Variants in DYNC2I1 observed in about 807,000 individuals in gnomAD.
DYNC2I1 encodes the protein dynein 2 intermediate chain 1, also known as cytoplasmic dynein 2 intermediate chain 1.
In DYNC2I1, 89 loss-of-function variants were observed where a neutral mutation model predicts 133.4. The ratio of observed to expected loss-of-function variants is 0.67; its 90% CI spans 0.56 to 0.80. DYNC2I1 has a LOEUF of 0.80. DYNC2I1 is among the 30% of genes least tolerant of loss of function. The probability of loss-of-function intolerance (pLI) is 0.00; values close to 1 mark genes in which losing one functional copy is unlikely to be tolerated. For missense variants in DYNC2I1, 1,291 were observed against 1,314.5 expected, an observed-to-expected ratio of 0.98 and a Z score of 0.28; for synonymous variants, 504 against 484.3, an observed-to-expected ratio of 1.04 and a Z score of -0.54.
At chr7:158,880,235 A>T (rs749016648) in intron 5 of DYNC2I1, among the ~76,000 whole-genome samples, 2 of 152,218 alleles carry the variant, frequency 1.3e-5, no homozygotes, top group African/African-American at 2.4e-5. Context: ...TTGGAAATCT[A>T]TCATAAAACT....
At chr7:158,860,160 G>A (rs561029594) in intron 1 of DYNC2I1, among the ~76,000 whole-genome samples, 1 of 151,556 alleles carries the variant, frequency 6.6e-6, no homozygotes, top group Non-Finnish European at 1.5e-5. Context: ...GGTTCAAGCA[G>A]TTCTCCTGCC....
intron 19 of DYNC2I1, 126 bp from the exon 20 acceptor site, chr7:158,926,866 C>T: frequency 4.3e-6 from 3 of 692,928 alleles, no homozygotes; most frequent in Non-Finnish European, 7.3e-6. Context: ...AGATCAGTCT[C>T]TTTTTCTGGA....
intron 20 of DYNC2I1, among the ~76,000 whole-genome samples, chr7:158,928,067 C>T (rs987540841): frequency 6.6e-5 from 10 of 152,164 alleles, no homozygotes; most frequent in East Asian, 3.9e-4. Flanking sequence ...GATGCTGCCC[C>T]GAGGGCCCTT....
At chr7:158,856,359 C>T (rs1435724071), upstream of DYNC2I1, among the ~76,000 whole-genome samples, 1 of 152,254 alleles carries the variant, frequency 6.6e-6, no homozygotes, top group Admixed American at 6.5e-5. Flanking sequence ...CCCTGCACCC[C>T]AAGTCAGGGT....
At chr7:158,943,380 G>T (rs916572642) in intron 24 of DYNC2I1, among the ~76,000 whole-genome samples, 2 of 152,174 alleles carry the variant, frequency 1.3e-5, no homozygotes, top group Non-Finnish European at 2.9e-5. Flanking sequence ...TCCCTCCCTG[G>T]TGGGCAAGAA....
Position 158,942,323 on chromosome 7 carries a change from C to T in DYNC2I1, c.3002+175C>T, listed in dbSNP as rs987999514. Among the ~76,000 whole-genome samples, 11 of 152,154 alleles carry T rather than the reference C, an allele frequency of 7.2e-5. No homozygotes were observed. In the East Asian group the frequency reaches 9.6e-4, roughly 13 times the overall value. ...AATTAAAAAGTATTGTTTTTGAGAG[C>T]GGTGTTAGGTTCACAGAAATTTGAG... On this transcript the variant is annotated intron_variant, in intron 24 of 24. Coordinates refer to ENST00000407559, the MANE Select transcript of DYNC2I1 (RefSeq NM_018051.5).
intron 5 of DYNC2I1, among the ~76,000 whole-genome samples, chr7:158,883,186 C>G (rs1159643368): frequency 6.7e-6 from 1 of 150,102 alleles, no homozygotes; most frequent in Non-Finnish European, 1.5e-5. Context: ...GTGATTCTCT[C>G]TCACTTTCTC....
At chr7:158,923,764 C>G in intron 17 of DYNC2I1, 31 bp downstream of exon 17, 5 of 1,585,036 alleles carry the variant, frequency 3.2e-6, no homozygotes, top group Non-Finnish European at 4.3e-6. Flanking sequence ...AATTGTGTGT[C>G]TGCTAGAAAA....
At chr7:158,853,547 A>G (rs1344849232), upstream of DYNC2I1, among the ~76,000 whole-genome samples, 3 of 152,106 alleles carry the variant, frequency 2.0e-5, no homozygotes, top group Non-Finnish European at 4.4e-5. Flanking sequence ...TAACCGCCCA[A>G]CAGGTTCTCC....
chr7:158,945,825 A>G lies in DYNC2I1; in HGVS notation c.*46A>G, dbSNP rs1444239199. ...GCGTTTCTGTAATGACCCAGATTTAAAAGACATAAGGTGGATAATTCTACA... is the reference window on the plus strand; with the variant it reads ...GCGTTTCTGTAATGACCCAGATTTAGAAGACATAAGGTGGATAATTCTACA... On this transcript the variant is annotated 3_prime_UTR_variant, in exon 25 of 25. Transcript: ENST00000407559. This position sits in a 1 kb window ranked among gnomAD's most constrained non-coding sequence, Gnocchi z 4.1. 3 of 1,462,208 alleles carry G rather than the reference A, an allele frequency of 2.1e-6. No individual in the cohort carries two copies. In the African/African-American group the frequency reaches 4.3e-5, roughly 21 times the overall value. The allele number at this position is 1,462,208 out of a possible 1,614,324, so 90.6% of individuals were successfully genotyped here. A position where few individuals can be genotyped will look rare whatever the true frequency, so the allele number is the denominator to read the frequency against.
intron 3 of DYNC2I1, 36 bp from the exon 4 acceptor site, chr7:158,876,573 T>G: frequency 6.5e-7 from 1 of 1,530,440 alleles, no homozygotes. Context: ...TGTGCTAACA[T>G]TTGGGAGTAT....
chr7:158,955,487 G>A (rs1485602742), intron 4 of DYNC2I1, among the ~76,000 whole-genome samples: 1 of 152,196 alleles, frequency 6.6e-6, no homozygotes, highest in African/African-American at 2.4e-5. Flanking sequence ...TGGGGTAATA[G>A]CCTATAATTC....
chr7:158,917,266 T>C (rs1028668138), intron 14 of DYNC2I1, among the ~76,000 whole-genome samples: 2 of 120,594 alleles, frequency 1.7e-5, no homozygotes, highest in Non-Finnish European at 3.8e-5. Flanking sequence ...TTAAGGATGA[T>C]TGTGAAACGT....
upstream of DYNC2I1, among the ~76,000 whole-genome samples, chr7:158,852,652 T>A (rs549721262): frequency 6.6e-6 from 1 of 152,146 alleles, no homozygotes; most frequent in African/African-American, 2.4e-5. Context: ...GGCAGGAGAA[T>A]TGCTTGAACC....
At chr7:158,910,180 TAGGAA>T (rs1400285633) in intron 11 of DYNC2I1, among the ~76,000 whole-genome samples, 1 of 152,196 alleles carries the variant, frequency 6.6e-6, no homozygotes, top group Non-Finnish European at 1.5e-5. Context: ...GGGTGAAACT[TAGGAA>T]AGGAAAACCC....
chr7:158,858,828 C>T (rs1364519683), intron 1 of DYNC2I1, among the ~76,000 whole-genome samples: 116 of 81,942 alleles, frequency 1.4e-3, no homozygotes, highest in African/African-American at 5.4e-3. Context: ...CCTCTCCCCT[C>T]CCCCCTCCCC....
In DYNC2I1 at chr7:158,856,655, G is replaced by C; in HGVS notation, c.-81G>C. On this transcript the variant is annotated 5_prime_UTR_variant, in exon 1 of 25. Transcript: ENST00000407559. ...CTGGGACGCGCCTCCCGAAGGGTGC[G>C]GGGCACAGGTGGCCTCTTCGGGGTG... 8.2e-7 allele frequency: 1 copy of C among 1,219,466 alleles called. No homozygotes were observed. The highest frequency in any genetic ancestry group is 3.2e-5 in the East Asian group (1 of 31,520). The allele number at this position is 1,219,466 out of a possible 1,614,324, so 75.5% of individuals were successfully genotyped here. A position where few individuals can be genotyped will look rare whatever the true frequency, so the allele number is the denominator to read the frequency against.
chr7:158,878,909 G>A (rs1277768446), intron 4 of DYNC2I1, among the ~76,000 whole-genome samples: 1 of 147,404 alleles, frequency 6.8e-6, no homozygotes, highest in Non-Finnish European at 1.5e-5. Flanking sequence ...CAGGAGGGCC[G>A]ACTGTGAGTG....
intron 5 of DYNC2I1, among the ~76,000 whole-genome samples, chr7:158,883,932 G>T (rs1844330808): frequency 6.6e-6 from 1 of 151,726 alleles, no homozygotes; most frequent in South Asian, 2.1e-4. Context: ...CCAAAGTGCT[G>T]GGATTACAAG....
Sources: allele counts gnomAD v4.1 joint callset (sites outside exome capture counted in the v4.1 genomes callset), GRCh38; gene constraint gnomAD v4.1.1; non-coding constraint Gnocchi (gnomAD v3.1); transcripts MANE v1.5; gene names NCBI Gene and HGNC (gene_info 2026-07-23, HGNC 2026-07-21).